Variants in LONRF1 observed in about 807,000 individuals in gnomAD.
The protein encoded by LONRF1 is LON peptidase N-terminal domain and ring finger 1, also known as LON peptidase N-terminal domain and RING finger protein 1.
Under a neutral mutation model 85.8 loss-of-function variants are expected in LONRF1, and 37 were observed. The ratio of observed to expected loss-of-function variants is 0.43; its 90% CI spans 0.33 to 0.57. The LOEUF (loss-of-function observed/expected upper bound fraction) is 0.57, where lower values mean the gene tolerates loss of function less well. Among genes scored for constraint, LONRF1 ranks in the 20% least tolerant of loss-of-function variants. The pLI is 0.04. For synonymous variants in LONRF1, 517 were observed against 390.1 expected (o/e 1.33, Z -3.83); for missense variants, 1,036 against 978.0 (o/e 1.06, Z -0.79).
At chr8:12,740,755 T>A in intron 3 of LONRF1, 119 bp downstream of exon 3, 1 of 1,257,888 alleles carries the variant, frequency 7.9e-7, no homozygotes, top group East Asian at 2.4e-5. Context: ...ATCACATTTG[T>A]TCCTAAGTTA....
In LONRF1 at chr8:12,742,474, C is replaced by T. The variant is rs147288046; in HGVS notation, c.840+690G>A. Among the ~76,000 whole-genome samples the T allele has an allele frequency of 2.6e-5, 4 of 152,318 alleles. No individual in the cohort carries two copies. The East Asian group carries it at 7.7e-4, about 29-fold the overall frequency. On this transcript the variant is annotated intron_variant, in intron 2 of 11. Transcript: ENST00000398246. ...TGTCCCTATCTTCTGAATTAAATCA[C>T]TGCCTAATCATCTAGTTACCATATA...
intron 3 of LONRF1, chr8:12,738,517 G>C (rs1333686913): frequency 2.0e-5 from 3 of 153,834 alleles, no homozygotes; most frequent in Non-Finnish European, 2.9e-5. Flanking sequence ...TCACCTCAAT[G>C]TATATTTACG....
intron 2 of LONRF1, among the ~76,000 whole-genome samples, chr8:12,741,343 C>T (rs1425709916): frequency 4.6e-5 from 7 of 152,122 alleles, no homozygotes; most frequent in African/African-American, 1.7e-4. Flanking sequence ...GAGATCACAC[C>T]AATGCACTCC....
At chr8:12,753,318 T>G (rs1799484669) in intron 1 of LONRF1, 1 of 152,240 alleles carries the variant, frequency 6.6e-6, no homozygotes, top group Non-Finnish European at 1.5e-5. Flanking sequence ...GATGATCCTT[T>G]CAGTTACACA....
chr8:12,739,395 T>A (rs1014543121), intron 3 of LONRF1, among the ~76,000 whole-genome samples: 2 of 151,170 alleles, frequency 1.3e-5, no homozygotes, highest in African/African-American at 4.9e-5. Flanking sequence ...ATTGTATGAT[T>A]CCATTCCAAT....
At chr8:12,730,798 C>G (rs1194111627) in intron 8 of LONRF1, among the ~76,000 whole-genome samples, 4 of 152,126 alleles carry the variant, frequency 2.6e-5, no homozygotes, top group African/African-American at 7.2e-5. Context: ...TGGAAGGCAC[C>G]TGGCTCACTG....
At chr8:12,734,332 T>A (rs1348030145) in intron 7 of LONRF1, among the ~76,000 whole-genome samples, 1 of 152,196 alleles carries the variant, frequency 6.6e-6, no homozygotes, top group African/African-American at 2.4e-5. Context: ...ACATCCGTAC[T>A]GAGTTGTTTT....
intron 1 of LONRF1, among the ~76,000 whole-genome samples, chr8:12,749,896 G>C (rs554914622): frequency 1.3e-5 from 2 of 152,098 alleles, no homozygotes; most frequent in African/African-American, 4.8e-5. Context: ...AACTCTACAA[G>C]GACAGGGACT....
chr8:12,722,937 G>C lies in LONRF1; in HGVS notation c.*159C>G. 1 of 628,670 alleles carries C rather than the reference G, an allele frequency of 1.6e-6. No homozygotes were observed. The highest frequency in any genetic ancestry group is 2.8e-5 in the East Asian group (1 of 36,040). The allele number at this position is 628,670 out of a possible 1,614,324, so 38.9% of individuals were successfully genotyped here. ...CTTAGTGGTCTAAATCCTAGTTGAA[G>C]GTATTCATTTGCAGAACCACATGAT... On this transcript the variant is annotated 3_prime_UTR_variant, in exon 12 of 12. Coordinates refer to ENST00000398246, the MANE Select transcript of LONRF1 (RefSeq NM_152271.5).
At chr8:12,727,768 C>G (rs947237832) in intron 10 of LONRF1, among the ~76,000 whole-genome samples, 1 of 152,156 alleles carries the variant, frequency 6.6e-6, no homozygotes, top group Non-Finnish European at 1.5e-5. Flanking sequence ...TATCAATCAA[C>G]TCAAAATTTC....
chr8:12,727,817 G>C (rs1585222703), intron 10 of LONRF1, among the ~76,000 whole-genome samples: 1 of 152,154 alleles, frequency 6.6e-6, no homozygotes, highest in Admixed American at 6.5e-5. Flanking sequence ...ACAAGACAAA[G>C]TACCCCCATA....
intron 1 of LONRF1, among the ~76,000 whole-genome samples, chr8:12,744,929 T>G (rs943783973): frequency 2.6e-5 from 4 of 152,270 alleles, no homozygotes; most frequent in Middle Eastern, 3.4e-3. Context: ...TCCTTTATAT[T>G]TGATGACATG....
At chr8:12,740,282 C>A (rs2039793169) in intron 3 of LONRF1, among the ~76,000 whole-genome samples, 1 of 152,140 alleles carries the variant, frequency 6.6e-6, no homozygotes, top group African/African-American at 2.4e-5. Context: ...TTATTTCATG[C>A]TGGCATATCA....
At chr8:12,749,458 A>G (rs1313499889) in intron 1 of LONRF1, among the ~76,000 whole-genome samples, 1 of 152,244 alleles carries the variant, frequency 6.6e-6, no homozygotes, top group African/African-American at 2.4e-5. Context: ...TACCTTTGGA[A>G]AGAGGCAGAA....
In LONRF1 at chr8:12,736,939, C is replaced by T. The variant is rs1034524482; in HGVS notation, c.1315G>A (p.Val439Ile). The T allele has an allele frequency of 3.3e-5, 53 of 1,611,982 alleles. No homozygotes were observed. The highest frequency in any genetic ancestry group is 4.4e-5 in the Non-Finnish European group (52 of 1,179,218). ...AGCTTATTTCTTCCATCTTCATTTA[C>T]AATCACATCCTGTTCTAAAAGAGAC... Reference protein sequence around the residue: ...KLSLLEQDVIVNEDGRNKLKK... With the variant: ...KLSLLEQDVIINEDGRNKLKK... Residue 439 changes from valine to isoleucine, a missense_variant, in exon 5 of 12, where the codon GTA (valine) becomes ATA (isoleucine). Physicochemically the swap from Val to Ile is conservative, Grantham distance 29. This residue lies in a region of LONRF1 where 742 missense variants were observed against 614.4 expected (regional missense o/e 1.21). Transcript: ENST00000398246.
intron 1 of LONRF1, among the ~76,000 whole-genome samples, chr8:12,746,548 G>A (rs1245082827): frequency 6.6e-6 from 1 of 152,258 alleles, no homozygotes; most frequent in East Asian, 1.9e-4. Flanking sequence ...AGCATGATCT[G>A]GCTCTTCCAC....
chr8:12,753,103 G>A (rs1389377532), intron 1 of LONRF1: 1 of 152,234 alleles, frequency 6.6e-6, no homozygotes, highest in South Asian at 2.1e-4. Flanking sequence ...GCAGAGTCAT[G>A]TGTATCAGAA....
intron 1 of LONRF1, among the ~76,000 whole-genome samples, chr8:12,745,860 G>C (rs888028771): frequency 6.6e-6 from 1 of 152,060 alleles, no homozygotes; most frequent in Non-Finnish European, 1.5e-5. Flanking sequence ...CTCTGGTCTT[G>C]TACCCATATC....
intron 4 of LONRF1, 23 bp downstream of exon 4, chr8:12,737,972 G>C (rs1371007519): frequency 6.3e-7 from 1 of 1,587,956 alleles, no homozygotes; most frequent in Admixed American, 1.8e-5. Flanking sequence ...CTAAACTCAT[G>C]ATAACCTTGT....
Sources: allele counts gnomAD v4.1 joint callset (sites outside exome capture counted in the v4.1 genomes callset), GRCh38; gene constraint gnomAD v4.1.1; regional missense constraint gnomAD v4.1.1; transcripts MANE v1.5; gene names NCBI Gene and HGNC (gene_info 2026-07-23, HGNC 2026-07-21).